GLG1: variants seen among roughly 807,000 people sequenced by gnomAD.
The protein encoded by GLG1 is golgi glycoprotein 1, also known as Golgi apparatus protein 1.
A neutral mutation model predicts 160.5 loss-of-function variants in GLG1; 38 were observed. The observed-to-expected ratio is 0.24, with a 90% CI of 0.18 to 0.31. GLG1 has a LOEUF of 0.31. Among genes scored for constraint, GLG1 ranks in the 10% least tolerant of loss-of-function variants. The probability of loss-of-function intolerance (pLI) is 1.00; values close to 1 mark genes in which losing one functional copy is unlikely to be tolerated. For synonymous variants in GLG1, 644 were observed against 543.4 expected (o/e 1.19, Z -2.57); for missense variants, 1,373 against 1,505.2 (o/e 0.91, Z 1.45).
chr16:74,493,767 A>C (rs1452964425), intron 6 of GLG1, among the ~76,000 whole-genome samples: 1 of 152,224 alleles, frequency 6.6e-6, no homozygotes, highest in Non-Finnish European at 1.5e-5. Context: ...TGAAAAATTA[A>C]ATAGCTAATT....
At chr16:74,464,689 A>AT (rs947631496) in intron 19 of GLG1, among the ~76,000 whole-genome samples, 2 of 152,162 alleles carry the variant, frequency 1.3e-5, no homozygotes, top group Admixed American at 6.5e-5. Context: ...CCATTTTTAC[A>AT]TATGACTCAA....
At position 74,607,051 on chromosome 16, in the gene GLG1, G is replaced by C; in HGVS notation, c.44C>G (p.Ala15Gly). 1 of 1,588,212 alleles carries C rather than the reference G, an allele frequency of 6.3e-7. No homozygotes were observed. Among genetic ancestry groups the C allele is most frequent in the Non-Finnish European group, 8.5e-7 (1 of 1,170,272 alleles). Residue 15 changes from alanine to glycine, a missense_variant, in exon 1 of 26, where the codon GCG (alanine) becomes GGG (glycine). Transcript: ENST00000422840. ...GAATAGCAGCAGCAGATGCAGCGCC[G>C]CCGACAAGCGGAACATCCTCCGTAC... is the stretch of plus-strand genomic sequence containing the variant. ...GRVRRMFRLS[A>G]ALHLLLLFAA...
At chr16:74,465,953 CT>C in intron 18 of GLG1, 140 bp from the exon 19 acceptor site, 1 of 783,560 alleles carries the variant, frequency 1.3e-6, no homozygotes, top group Non-Finnish European at 2.1e-6. Context: ...TCAGGATTTC[CT>C]TACCAAAGAT....
chr16:74,574,883 CAAAAAAAAAAAA>C (rs531720341), intron 1 of GLG1, among the ~76,000 whole-genome samples: 9,259 of 24,626 alleles, frequency 0.38, 882 homozygotes, highest in Middle Eastern at 0.56. Context: ...GACTCTGTCT[CAAAAAAAAAAAA>C]AAAAAAAAAA....
intron 7 of GLG1, among the ~76,000 whole-genome samples, chr16:74,491,553 A>G (rs117884749): frequency 0.017 from 2,615 of 152,300 alleles, 33 homozygotes; most frequent in Non-Finnish European, 0.027. Flanking sequence ...CTACACAATT[A>G]AAGCTTTTAG....
At chr16:74,455,463 G>A (rs1281020688) in intron 25 of GLG1, among the ~76,000 whole-genome samples, 3 of 152,150 alleles carry the variant, frequency 2.0e-5, no homozygotes, top group Non-Finnish European at 2.9e-5. Flanking sequence ...ATGAAGTAAC[G>A]CAGCATCTCC....
In GLG1 at chr16:74,485,821, T is replaced by G; in HGVS notation, c.1546A>C (p.Lys516Gln). 1 of 1,613,336 alleles carries G rather than the reference T, an allele frequency of 6.2e-7. No homozygotes were observed. Among genetic ancestry groups the G allele is most frequent in the Non-Finnish European group, 8.5e-7 (1 of 1,179,272 alleles). ...ACESVIQTAC[K>Q]HIRSGDPMIL... ...ATTGGGTCTCCAGATCTTATATGTT[T>G]GCAGGCTGTCTGGATTACAGATTCA... The change falls in exon 9 of 26, where the codon AAA becomes CAA. Residue 516 changes from lysine (K) to glutamine (Q), a missense_variant. By Grantham distance (53) the Lys-to-Gln change is moderately conservative. This residue lies in a region of GLG1 where 386 missense variants were observed against 388.5 expected (regional missense o/e 0.99). Transcript: ENST00000422840.
At chr16:74,604,561 G>C (rs1958520708) in intron 1 of GLG1, among the ~76,000 whole-genome samples, 1 of 152,352 alleles carries the variant, frequency 6.6e-6, no homozygotes, top group African/African-American at 2.4e-5. Flanking sequence ...CAAAGGGACA[G>C]AAAAGTACAT....
At chr16:74,496,919 T>C (rs553349458) in intron 4 of GLG1, among the ~76,000 whole-genome samples, 4 of 152,324 alleles carry the variant, frequency 2.6e-5, no homozygotes, top group South Asian at 4.1e-4. Context: ...TTAAGTATTA[T>C]AGTTTAGTTA....
intron 22 of GLG1, 35 bp from the exon 23 acceptor site, chr16:74,459,824 C>A (rs753734450): frequency 9.6e-7 from 1 of 1,045,642 alleles, no homozygotes. Flanking sequence ...AGCTACCCCA[C>A]TGAGCACAGA....
At chr16:74,473,648 G>A (rs549757973) in intron 13 of GLG1, among the ~76,000 whole-genome samples, 8 of 152,068 alleles carry the variant, frequency 5.3e-5, no homozygotes, top group African/African-American at 9.6e-5. Flanking sequence ...CACCGTGTTA[G>A]CCAGGATGGT....
chr16:74,572,698 T>C (rs1014941866), intron 1 of GLG1, among the ~76,000 whole-genome samples: 2 of 152,194 alleles, frequency 1.3e-5, no homozygotes, highest in Admixed American at 1.3e-4. Context: ...ATCTGTGTCC[T>C]TCATAATATT....
intron 8 of GLG1, among the ~76,000 whole-genome samples, chr16:74,487,190 G>A (rs1322351598): frequency 6.6e-6 from 1 of 152,094 alleles, no homozygotes; most frequent in East Asian, 1.9e-4. Flanking sequence ...ACAGGCGTAA[G>A]CCACCACACC....
chr16:74,501,090 C>T (rs542693576), intron 4 of GLG1, among the ~76,000 whole-genome samples: 1 of 152,208 alleles, frequency 6.6e-6, no homozygotes, highest in Non-Finnish European at 1.5e-5. Context: ...CTGTTGTTTT[C>T]TGTGTTCAGA....
intron 1 of GLG1, among the ~76,000 whole-genome samples, chr16:74,550,276 T>C (rs1185428064): frequency 3.3e-5 from 5 of 152,208 alleles, no homozygotes; most frequent in African/African-American, 1.2e-4. Context: ...AGAATATGTG[T>C]TTTCATTATG....
chr16:74,496,508 T>A lies in GLG1; in HGVS notation c.911A>T (p.Asp304Val). The part of the protein sequence containing the change: ...AILRVAELSS[D>V]DFHLDRHLYF... ...TAAATGCCGGTCTAAGTGAAAGTCA[T>A]CCGATGACAGCTCAGCCACCCGGAG... The change falls in exon 5 of 26, where the codon GAT becomes GTT. Residue 304 changes from aspartate to valine, a missense_variant. Transcript: ENST00000422840. 6.2e-7 allele frequency: 1 copy of A among 1,614,112 alleles called. No individual in the cohort carries two copies. Among genetic ancestry groups the A allele is most frequent in the South Asian group, 1.1e-5 (1 of 91,080 alleles).
chr16:74,462,660 A>C, intron 20 of GLG1, 30 bp from the exon 21 acceptor site: 13 of 1,610,938 alleles, frequency 8.1e-6, no homozygotes, highest in South Asian at 5.5e-5. Flanking sequence ...GCATGTGACA[A>C]AACATTCCAC....
intron 2 of GLG1, among the ~76,000 whole-genome samples, chr16:74,519,091 T>C (rs1452726845): frequency 6.6e-6 from 1 of 152,126 alleles, no homozygotes; most frequent in Non-Finnish European, 1.5e-5. Flanking sequence ...AACCCAAATG[T>C]CCATCAATGA....
At chr16:74,579,123 G>C (rs1275481464) in intron 1 of GLG1, among the ~76,000 whole-genome samples, 2 of 152,174 alleles carry the variant, frequency 1.3e-5, no homozygotes, top group Non-Finnish European at 2.9e-5. Flanking sequence ...CCAGGCTGTA[G>C]TGAGCTATGA....
Sources: gnomAD v4.1 joint callset for allele counts (sites outside exome capture counted in the v4.1 genomes callset) on GRCh38, gnomAD v4.1.1 for gene constraint, gnomAD v4.1.1 regional missense constraint, MANE v1.5 for transcripts, NCBI Gene and HGNC (gene_info 2026-07-23, HGNC 2026-07-21) for gene names.